Variants in SKIL observed in about 807,000 individuals in gnomAD.
SKIL encodes SKI like proto-oncogene.
A neutral mutation model predicts 69.6 loss-of-function variants in SKIL; 20 were observed. The observed-to-expected ratio is 0.29, with a 90% CI of 0.20 to 0.42. SKIL has a LOEUF of 0.42. SKIL is among the 10% of genes least tolerant of loss of function. The probability of loss-of-function intolerance (pLI) is 1.00; values close to 1 mark genes in which losing one functional copy is unlikely to be tolerated. For missense variants in SKIL, 745 were observed against 783.1 expected (o/e 0.95, Z 0.58); for synonymous variants, 310 against 279.9 (o/e 1.11, Z -1.08).
At chr3:170,366,003 G>A (rs948734456) in intron 2 of SKIL, among the ~76,000 whole-genome samples, 2 of 150,390 alleles carry the variant, frequency 1.3e-5, no homozygotes, top group Non-Finnish European at 1.5e-5. Context: ...TGATCCACCT[G>A]CCTCGGCCTC....
chr3:170,388,000 G>C (rs960874828), intron 4 of SKIL, among the ~76,000 whole-genome samples: 3 of 146,926 alleles, frequency 2.0e-5, no homozygotes, highest in Non-Finnish European at 1.5e-5. Flanking sequence ...TTTAAGTGTA[G>C]AACTATATTT....
At position 170,375,364 on chromosome 3, in the gene SKIL, C is replaced by G. The variant is rs78009210; in HGVS notation, c.1099-5880C>G. Among the ~76,000 whole-genome samples, 27 of 152,248 alleles carry G rather than the reference C, an allele frequency of 1.8e-4. No homozygotes were observed. In the East Asian group the frequency reaches 4.8e-3, roughly 27 times the overall value. On this transcript the variant is annotated intron_variant, in intron 2 of 6. Coordinates refer to ENST00000259119, the MANE Select transcript of SKIL (RefSeq NM_005414.5). Reference sequence around the variant, plus strand: ...TTAGAGACACAGAAATAAATAGATGCTAGGTTTGGCTCATGAGTAAAGATA... The same window carrying G: ...TTAGAGACACAGAAATAAATAGATGGTAGGTTTGGCTCATGAGTAAAGATA...
chr3:170,379,287 C>T (rs1185669634), intron 2 of SKIL, among the ~76,000 whole-genome samples: 1 of 152,116 alleles, frequency 6.6e-6, no homozygotes, highest in Non-Finnish European at 1.5e-5. Flanking sequence ...CATGGAACCT[C>T]TTAAAGGTAG....
chr3:170,362,484 G>C (rs1210426538), intron 2 of SKIL, among the ~76,000 whole-genome samples: 1 of 151,574 alleles, frequency 6.6e-6, no homozygotes, highest in Non-Finnish European at 1.5e-5. Context: ...CGTAGGCGTC[G>C]AGGGAAACTC....
At chr3:170,379,953 T>C (rs1156949937) in intron 2 of SKIL, among the ~76,000 whole-genome samples, 2 of 152,200 alleles carry the variant, frequency 1.3e-5, no homozygotes, top group African/African-American at 4.8e-5. Flanking sequence ...CCCTCTTCAA[T>C]TTCTGAACGT....
intron 2 of SKIL, among the ~76,000 whole-genome samples, chr3:170,362,225 G>A (rs1158416369): frequency 6.6e-6 from 1 of 152,150 alleles, no homozygotes; most frequent in South Asian, 2.1e-4. Context: ...AAAACCTGCC[G>A]GGCTCAGTGG....
chr3:170,366,651 C>A (rs186645874), intron 2 of SKIL, among the ~76,000 whole-genome samples: 1 of 151,542 alleles, frequency 6.6e-6, no homozygotes, highest in Admixed American at 6.6e-5. Context: ...TCCTGGGTGA[C>A]AGAGTGAAAC....
intron 2 of SKIL, among the ~76,000 whole-genome samples, chr3:170,372,103 G>A (rs1246751379): frequency 6.6e-6 from 1 of 152,176 alleles, no homozygotes; most frequent in Admixed American, 6.5e-5. Context: ...TGTAGTTGCA[G>A]TATTAAGTTT....
At chr3:170,390,588 G>A in intron 5 of SKIL, 124 bp downstream of exon 5, 2 of 726,336 alleles carry the variant, frequency 2.8e-6, no homozygotes. Flanking sequence ...ACAGGTTCAA[G>A]CAATTCTTCT....
At position 170,393,387 on chromosome 3, in the gene SKIL, G is replaced by T. The variant is rs933472510; in HGVS notation, c.*970G>T. On this transcript the variant is annotated 3_prime_UTR_variant, in exon 7 of 7. Transcript: ENST00000259119. Reference sequence around the variant, plus strand: ...TTGGACTTCTGTATGTTTAAATGTTGTCTTACCAAAATTTGCACGAATGGA... The same window carrying T: ...TTGGACTTCTGTATGTTTAAATGTTTTCTTACCAAAATTTGCACGAATGGA... 52 of 152,156 alleles carry T rather than the reference G, an allele frequency of 3.4e-4. No individual in the cohort carries two copies. Among genetic ancestry groups the T allele is most frequent in the African/African-American group, 1.2e-3 (51 of 41,524 alleles). 9.4% of individuals were successfully genotyped at this position (152,156 alleles called of 1,614,324 possible).
chr3:170,369,855 T>A (rs1246999785), intron 2 of SKIL, among the ~76,000 whole-genome samples: 1 of 152,234 alleles, frequency 6.6e-6, no homozygotes, highest in Non-Finnish European at 1.5e-5. Context: ...AGAATTTTAT[T>A]CTACTGGGAT....
intron 6 of SKIL, 63 bp downstream of exon 6, chr3:170,391,323 TC>T: frequency 2.1e-6 from 2 of 932,034 alleles, no homozygotes; most frequent in Non-Finnish European, 3.2e-6. Flanking sequence ...GTTACTTCTC[TC>T]TTTTTTTTTT....
intron 2 of SKIL, among the ~76,000 whole-genome samples, chr3:170,378,814 C>A (rs916565939): frequency 2.6e-5 from 4 of 151,122 alleles, no homozygotes; most frequent in African/African-American, 9.7e-5. Flanking sequence ...AAGTTACAGG[C>A]ATGAGCTGCT....
At chr3:170,370,220 CAG>C (rs1264068196) in intron 2 of SKIL, among the ~76,000 whole-genome samples, 1 of 152,134 alleles carries the variant, frequency 6.6e-6, no homozygotes, top group Admixed American at 6.5e-5. Flanking sequence ...GCCTGGGAGA[CAG>C]AGTGAGACTC....
intron 2 of SKIL, among the ~76,000 whole-genome samples, chr3:170,377,133 T>A (rs1737067582): frequency 6.6e-6 from 1 of 152,192 alleles, no homozygotes; most frequent in South Asian, 2.1e-4. Context: ...AACTAAGCTA[T>A]AGGCTGAGGA....
chr3:170,362,924 G>A (rs1243845943), intron 2 of SKIL, among the ~76,000 whole-genome samples: 5 of 150,114 alleles, frequency 3.3e-5, no homozygotes, highest in Admixed American at 2.7e-4. Context: ...TTTGAATGCC[G>A]AGGTAATGGA....
chr3:170,366,678 CACACACACACACACACAG>C (rs973141518), intron 2 of SKIL, among the ~76,000 whole-genome samples: 1 of 81,252 alleles, frequency 1.2e-5, no homozygotes, highest in South Asian at 4.3e-4. Flanking sequence ...TCAAAACACA[CACACACACACACACACAG>C]ACACACACAC....
intron 3 of SKIL, among the ~76,000 whole-genome samples, chr3:170,384,181 A>G (rs532979252): frequency 1.5e-4 from 23 of 152,146 alleles, no homozygotes; most frequent in African/African-American, 5.3e-4. Context: ...GCAAGACCCT[A>G]TCTCTAAAAA....
chr3:170,370,103 G>T (rs1736727362), intron 2 of SKIL, among the ~76,000 whole-genome samples: 1 of 151,980 alleles, frequency 6.6e-6, no homozygotes. Context: ...GCCGGGCGCG[G>T]TGGCAGGCGC....
Sources: gnomAD v4.1 joint callset for allele counts (sites outside exome capture counted in the v4.1 genomes callset) on GRCh38, gnomAD v4.1.1 for gene constraint, MANE v1.5 for transcripts, NCBI Gene and HGNC (gene_info 2026-07-23, HGNC 2026-07-21) for gene names.